The following GMDS variants were observed in gnomAD, a reference collection of about 807,000 sequenced individuals.
The protein encoded by GMDS is GDP-mannose 4,6 dehydratase.
Under a neutral mutation model 49.9 loss-of-function variants are expected in GMDS, and 20 were observed. The ratio of observed to expected loss-of-function variants is 0.40; its 90% CI spans 0.28 to 0.58. The LOEUF is 0.58. GMDS is among the 20% of genes least tolerant of loss of function. The pLI, the probability that GMDS is intolerant of heterozygous loss-of-function variation, is 0.42. For missense variants in GMDS, 362 were observed against 481.4 expected (o/e 0.75, Z 2.32); for synonymous variants, 177 against 178.6 (o/e 0.99, Z 0.07).
At chr6:2,000,594 A>G (rs1459926012) in intron 4 of GMDS, among the ~76,000 whole-genome samples, 1 of 152,204 alleles carries the variant, frequency 6.6e-6, no homozygotes, top group East Asian at 1.9e-4. Flanking sequence ...ATATTGGAGC[A>G]TGTATCACTA....
chr6:1,995,163 T>C (rs747275214), intron 4 of GMDS, among the ~76,000 whole-genome samples: 6 of 152,104 alleles, frequency 3.9e-5, no homozygotes, highest in Non-Finnish European at 7.4e-5. Flanking sequence ...GGGGCCACCA[T>C]GGCAATGCCT....
At chr6:2,102,389 T>A (rs953273643) in intron 4 of GMDS, among the ~76,000 whole-genome samples, 1 of 152,230 alleles carries the variant, frequency 6.6e-6, no homozygotes, top group Non-Finnish European at 1.5e-5. Flanking sequence ...AAAATTAATA[T>A]GCTGGTTTTT....
At chr6:1,676,924 A>T (rs1309187547) in intron 9 of GMDS, among the ~76,000 whole-genome samples, 2 of 152,222 alleles carry the variant, frequency 1.3e-5, no homozygotes, top group Non-Finnish European at 2.9e-5. Context: ...AAGCCAAAAT[A>T]GACAAATGGG....
intron 7 of GMDS, among the ~76,000 whole-genome samples, chr6:1,777,726 G>C (rs1443376473): frequency 1.3e-5 from 2 of 152,180 alleles, no homozygotes; most frequent in African/African-American, 4.8e-5. Flanking sequence ...CACATTTGTG[G>C]AACACTTTCT....
chr6:2,037,439 T>C (rs551077168), intron 4 of GMDS, among the ~76,000 whole-genome samples: 10 of 152,298 alleles, frequency 6.6e-5, no homozygotes, highest in Non-Finnish European at 1.2e-4. Context: ...CTGCTCATTC[T>C]GGACTCCCAG....
At chr6:2,211,258 G>T (rs187690391) in intron 1 of GMDS, among the ~76,000 whole-genome samples, 2 of 152,132 alleles carry the variant, frequency 1.3e-5, no homozygotes, top group African/African-American at 4.8e-5. Flanking sequence ...GTTTTTTGGG[G>T]ATGTGCATTA....
At chr6:2,073,760 T>C (rs1772154102) in intron 4 of GMDS, among the ~76,000 whole-genome samples, 1 of 152,204 alleles carries the variant, frequency 6.6e-6, no homozygotes. Flanking sequence ...TGACAACATG[T>C]GGAATTTATC....
intron 1 of GMDS, among the ~76,000 whole-genome samples, chr6:2,212,431 A>G (rs1780107337): frequency 6.6e-6 from 1 of 152,236 alleles, no homozygotes; most frequent in Non-Finnish European, 1.5e-5. Context: ...AAGAAAGAGC[A>G]ACAAAAAAAT....
intron 9 of GMDS, among the ~76,000 whole-genome samples, chr6:1,670,408 G>A (rs1341455768): frequency 1.3e-5 from 2 of 149,968 alleles, no homozygotes; most frequent in Non-Finnish European, 3.0e-5. Flanking sequence ...AATGAGGACA[G>A]CATTAGACAA....
chr6:2,104,915 G>A (rs748362986), intron 4 of GMDS, among the ~76,000 whole-genome samples: 4 of 151,928 alleles, frequency 2.6e-5, no homozygotes, highest in South Asian at 2.1e-4. Context: ...GGGTGCGGTG[G>A]CTCACGCCTA....
At chr6:2,151,029 G>A (rs1409798084) in intron 1 of GMDS, among the ~76,000 whole-genome samples, 1 of 152,040 alleles carries the variant, frequency 6.6e-6, no homozygotes, top group Admixed American at 6.6e-5. Context: ...TCATGTATTT[G>A]TCTATAAGGT....
intron 7 of GMDS, among the ~76,000 whole-genome samples, chr6:1,881,251 T>C (rs1371567337): frequency 6.6e-6 from 1 of 152,180 alleles, no homozygotes; most frequent in Non-Finnish European, 1.5e-5. Flanking sequence ...ACTTGGAATG[T>C]ATACTGAGAA....
intron 7 of GMDS, among the ~76,000 whole-genome samples, chr6:1,873,694 A>T (rs1197888641): frequency 6.6e-6 from 1 of 152,224 alleles, no homozygotes; most frequent in Non-Finnish European, 1.5e-5. Context: ...CTAAATTTTT[A>T]AGCAGTAAAG....
At chr6:1,739,725 G>C (rs781476540) in intron 8 of GMDS, among the ~76,000 whole-genome samples, 1 of 152,210 alleles carries the variant, frequency 6.6e-6, no homozygotes, top group African/African-American at 2.4e-5. Context: ...AGGCAGTCTA[G>C]ACTGCCCTCT....
chr6:1,647,289 G>A (rs1162889714), intron 9 of GMDS, among the ~76,000 whole-genome samples: 1 of 152,188 alleles, frequency 6.6e-6, no homozygotes, highest in Non-Finnish European at 1.5e-5. Context: ...AGGAAATGGA[G>A]GCTGCAGGGC....
intron 7 of GMDS, among the ~76,000 whole-genome samples, chr6:1,926,098 G>A (rs1376430192): frequency 6.6e-6 from 1 of 152,078 alleles, no homozygotes; most frequent in African/African-American, 2.4e-5. Context: ...CTCTCTTCTG[G>A]TTCCCCCATC....
At chr6:2,178,545 C>T (rs976970886) in intron 1 of GMDS, among the ~76,000 whole-genome samples, 3 of 152,168 alleles carry the variant, frequency 2.0e-5, no homozygotes, top group African/African-American at 4.8e-5. Context: ...TCCCAGTAGG[C>T]TCTACCTCCA....
At position 1,652,418 on chromosome 6, in the gene GMDS, ATATATAT is replaced by A. The variant is rs1561700630; in HGVS notation, c.988-27885_988-27879del. Among the ~76,000 whole-genome samples, 65 of 20,948 alleles carry A rather than the reference ATATATAT, an allele frequency of 3.1e-3. 8 individuals carry two copies. The highest frequency in any genetic ancestry group is 0.012 in the African/African-American group (63 of 5,376). 13.7% of individuals were successfully genotyped at this position (20,948 alleles called of 152,430 possible). On this transcript the variant is annotated intron_variant, in intron 9 of 10. Coordinates refer to ENST00000380815, the MANE Select transcript of GMDS (RefSeq NM_001500.4). ...TATATATATATATATATTATATATA[ATATATAT>A]ATAATATATTATATATATTTATATA...
chr6:2,239,027 T>C (rs1781492683), intron 1 of GMDS, among the ~76,000 whole-genome samples: 1 of 152,058 alleles, frequency 6.6e-6, no homozygotes, highest in Non-Finnish European at 1.5e-5. Context: ...ATTGGTTTCA[T>C]TTAAAAAAAA....
Sources: allele counts gnomAD v4.1 joint callset (sites outside exome capture counted in the v4.1 genomes callset), GRCh38; gene constraint gnomAD v4.1.1; transcripts MANE v1.5; gene names NCBI Gene and HGNC (gene_info 2026-07-23, HGNC 2026-07-21).